The following AGTPBP1 variants were observed in gnomAD, a reference collection of about 807,000 sequenced individuals.
AGTPBP1 encodes the protein cytosolic carboxypeptidase 1.
In AGTPBP1, 70 loss-of-function variants were observed where a neutral mutation model predicts 143.9. The ratio of observed to expected loss-of-function variants is 0.49; its 90% confidence interval spans 0.40 to 0.59. The LOEUF (loss-of-function observed/expected upper bound fraction) is 0.59. Ranked by LOEUF, AGTPBP1 falls within the 20% of genes least tolerant of loss-of-function variation. The probability of loss-of-function intolerance (pLI) is 0.00; values close to 1 mark genes in which losing one functional copy is unlikely to be tolerated. For missense variants in AGTPBP1, 1,229 were observed against 1,464.5 expected (o/e 0.84, Z 2.62); for synonymous variants, 463 against 500.2 (o/e 0.93, Z 0.99).
intron 17 of AGTPBP1, among the ~76,000 whole-genome samples, chr9:85,605,386 A>G (rs1829929483): frequency 6.6e-6 from 1 of 152,164 alleles, no homozygotes; most frequent in Non-Finnish European, 1.5e-5. Context: ...TAGTAAGTAC[A>G]TCCATTGAAA....
intron 1 of AGTPBP1, among the ~76,000 whole-genome samples, chr9:85,723,174 A>C (rs1838243480): frequency 6.6e-6 from 1 of 152,216 alleles, no homozygotes; most frequent in African/African-American, 2.4e-5. Context: ...CTCAGAGCTC[A>C]AACGCCATGC....
intron 2 of AGTPBP1, among the ~76,000 whole-genome samples, chr9:85,693,606 C>T (rs1029738214): frequency 2.6e-5 from 4 of 151,556 alleles, no homozygotes; most frequent in African/African-American, 4.8e-5. Context: ...TCAACAACAA[C>T]AAAAAAAATT....
At chr9:85,582,190 T>C (rs367948510) in intron 23 of AGTPBP1, among the ~76,000 whole-genome samples, 17 of 152,356 alleles carry the variant, frequency 1.1e-4, no homozygotes, top group Middle Eastern at 3.4e-3. Flanking sequence ...TTAGAATTGA[T>C]GCAATACTAT....
chr9:85,674,122 TAAAA>T (rs35435972), intron 6 of AGTPBP1, among the ~76,000 whole-genome samples: 2 of 117,568 alleles, frequency 1.7e-5, no homozygotes. Flanking sequence ...GACTCCATCT[TAAAA>T]AAAAAAAAAA....
At chr9:85,651,573 C>T (rs917491773) in intron 11 of AGTPBP1, among the ~76,000 whole-genome samples, 3 of 152,078 alleles carry the variant, frequency 2.0e-5, no homozygotes, top group Non-Finnish European at 4.4e-5. Flanking sequence ...TCTTAGGTAA[C>T]GTCTACATTC....
chr9:85,604,274 G>C (rs928360489), intron 17 of AGTPBP1, among the ~76,000 whole-genome samples: 5 of 152,194 alleles, frequency 3.3e-5, no homozygotes, highest in Non-Finnish European at 7.3e-5. Flanking sequence ...AGCACAGAGA[G>C]ACAGACTCTG....
intron 25 of AGTPBP1, among the ~76,000 whole-genome samples, chr9:85,561,386 C>CA (rs57157743): frequency 0.017 from 1,157 of 69,996 alleles, 7 homozygotes; most frequent in African/African-American, 0.021. Context: ...GGCTCCATCT[C>CA]AAAAAAAAAA....
At chr9:85,641,721 G>A (rs898797188) in intron 13 of AGTPBP1, among the ~76,000 whole-genome samples, 6 of 150,590 alleles carry the variant, frequency 4.0e-5, no homozygotes, top group Admixed American at 6.6e-5. Context: ...TTTTTTAGAC[G>A]AAGTCTCATT....
At chr9:85,754,463 T>C in the AGTPBP1 span, among the ~76,000 whole-genome samples, 1 of 152,196 alleles carries the variant, frequency 6.6e-6, no homozygotes, top group Non-Finnish European at 1.5e-5. Flanking sequence ...ATTACAGGTG[T>C]GAGCCACCGC....
chr9:85,677,649 A>G (rs1001543281), intron 5 of AGTPBP1, 67 bp from the exon 6 acceptor site: 10 of 1,284,992 alleles, frequency 7.8e-6, no homozygotes, highest in African/African-American at 4.6e-5. Flanking sequence ...TTAAACAAAC[A>G]TATTAGGTAT....
In AGTPBP1 at chr9:85,646,669, T is replaced by A. The variant is rs184760794; in HGVS notation, c.1088-251A>T. On this transcript the variant is annotated intron_variant, in intron 11 of 25. Coordinates refer to ENST00000357081, the MANE Select transcript of AGTPBP1 (RefSeq NM_001330701.2). ...TAATGTTCTCAGTTTTTAAAAATAA[T>A]GTCTTATGTTGCGATAGCCTGAATG... Among the ~76,000 whole-genome samples the A allele has an allele frequency of 1.1e-3, 168 of 152,340 alleles. 1 individual carries two copies. The highest frequency in any genetic ancestry group is 6.3e-3 in the Admixed American group (97 of 15,304).
the AGTPBP1 span, among the ~76,000 whole-genome samples, chr9:85,768,571 T>C: frequency 3.9e-5 from 6 of 152,258 alleles, no homozygotes; most frequent in African/African-American, 1.4e-4. Context: ...TCACTTTTAT[T>C]TGTGGCTCCT....
At chr9:85,613,778 C>T (rs1564064839) in intron 17 of AGTPBP1, among the ~76,000 whole-genome samples, 1 of 151,962 alleles carries the variant, frequency 6.6e-6, no homozygotes, top group Non-Finnish European at 1.5e-5. Flanking sequence ...AGCCTCCTTC[C>T]AAAACTAGAC....
chr9:85,617,270 TAA>T (rs1466905038), intron 17 of AGTPBP1, among the ~76,000 whole-genome samples: 1 of 152,182 alleles, frequency 6.6e-6, no homozygotes, highest in Non-Finnish European at 1.5e-5. Context: ...TCTCAGTTGT[TAA>T]AAGTTTTTCA....
At chr9:85,628,833 A>G (rs1196144589) in intron 14 of AGTPBP1, among the ~76,000 whole-genome samples, 1 of 152,130 alleles carries the variant, frequency 6.6e-6, no homozygotes, top group Non-Finnish European at 1.5e-5. Flanking sequence ...CTGGGACTAT[A>G]GGTGCCCGAG....
rs190383050 is a variant in AGTPBP1 at position 85,613,240 on chromosome 9, A to G, written c.2335+5743T>C. ...TCAAGAGAAAATTTGAAACTTAAAT[A>G]CTTTGATCAACAGACAAAAATAAAT... On this transcript the variant is annotated intron_variant, in intron 17 of 25. Coordinates refer to ENST00000357081, the MANE Select transcript of AGTPBP1 (RefSeq NM_001330701.2). Among the ~76,000 whole-genome samples the G allele has an allele frequency of 7.2e-5, 11 of 152,164 alleles. No homozygotes were observed. In the East Asian group the frequency reaches 1.9e-3, roughly 27 times the overall value.
At chr9:85,717,533 T>TAA (rs1398972439) in intron 1 of AGTPBP1, among the ~76,000 whole-genome samples, 3 of 151,990 alleles carry the variant, frequency 2.0e-5, no homozygotes, top group Non-Finnish European at 2.9e-5. Flanking sequence ...TAACTGAACA[T>TAA]TTTTGCTATG....
At chr9:85,729,294 C>T (rs543431989) in intron 1 of AGTPBP1, among the ~76,000 whole-genome samples, 3 of 152,236 alleles carry the variant, frequency 2.0e-5, no homozygotes, top group Non-Finnish European at 2.9e-5. Context: ...ATGGTAGAAA[C>T]ATACAATGGA....
rs1384422395 is a variant in AGTPBP1, at chr9:85,659,976, T to G, written c.700+960A>C. Among the ~76,000 whole-genome samples the G allele has an allele frequency of 2.6e-5, 4 of 152,118 alleles. No individual in the cohort carries two copies. In the East Asian group the frequency reaches 7.7e-4, roughly 29 times the overall value. On this transcript the variant is annotated intron_variant, in intron 9 of 25. Coordinates refer to ENST00000357081, the MANE Select transcript of AGTPBP1 (RefSeq NM_001330701.2). Reference sequence around the variant, plus strand: ...ATACATTTCATTCGAAAAATAAAATTGTTAAATGAGAATTCTATTATTTAC... The same window carrying G: ...ATACATTTCATTCGAAAAATAAAATGGTTAAATGAGAATTCTATTATTTAC...
Sources: allele counts gnomAD v4.1 joint callset (sites outside exome capture counted in the v4.1 genomes callset), GRCh38; gene constraint gnomAD v4.1.1; transcripts MANE v1.5; gene names NCBI Gene and HGNC (gene_info 2026-07-23, HGNC 2026-07-21).